CNIH3: variants seen among roughly 807,000 people sequenced by gnomAD.
CNIH3 encodes protein cornichon homolog 3.
A neutral mutation model predicts 24.1 loss-of-function variants in CNIH3; 14 were observed. The ratio of observed to expected loss-of-function variants is 0.58; its 90% CI spans 0.38 to 0.91. CNIH3 has a LOEUF of 0.91. Ranked by LOEUF, CNIH3 falls within the 40% of genes least tolerant of loss-of-function variation. The pLI is 0.00. For missense variants in CNIH3, 178 were observed against 196.8 expected (o/e 0.90, Z 0.57); for synonymous variants, 68 against 73.8 (o/e 0.92, Z 0.40).
chr1:224,616,775 C>G lies in CNIH3; in HGVS notation c.-400C>G, dbSNP rs1227819090. 9.7e-7 allele frequency: 1 copy of G among 1,032,252 alleles called. No individual in the cohort carries two copies. The highest frequency in any genetic ancestry group is 1.7e-5 in the African/African-American group (1 of 58,630). 63.9% of individuals were successfully genotyped at this position (1,032,252 alleles called of 1,614,324 possible). On this transcript the variant is annotated 5_prime_UTR_variant, in exon 1 of 6. Transcript: ENST00000272133. ...CGGTTTAGTGGAGAAAAGCAGAGAG[C>G]TCTTCCTGGGGCGAATGGGACCTCC...
In CNIH3 at chr1:224,730,601, C is replaced by T. The variant is rs57719973; in HGVS notation, c.311+27C>T. 4,164 of 1,422,698 alleles carry T rather than the reference C, an allele frequency of 2.9e-3. 108 individuals are homozygous for T. In the African/African-American group the frequency reaches 0.051, roughly 18 times the overall value. 88.1% of individuals were successfully genotyped at this position (1,422,698 alleles called of 1,614,324 possible). On this transcript the variant is annotated intron_variant, in intron 4 of 5. Transcript: ENST00000272133. ...TAAGTCAGACTGGGACTGGTATATCCTTCGTCTTTTCTGCCAGGGCAGCCT... is the reference window on the plus strand; with the variant it reads ...TAAGTCAGACTGGGACTGGTATATCTTTCGTCTTTTCTGCCAGGGCAGCCT...
intron 5 of CNIH3, among the ~76,000 whole-genome samples, chr1:224,585,879 C>T (rs2125020706): frequency 6.6e-6 from 1 of 152,276 alleles, no homozygotes; most frequent in African/African-American, 2.4e-5. Flanking sequence ...CGTGGTTTAG[C>T]TTTAAACTCC....
chr1:224,565,325 C>G (rs913516059), intron 3 of CNIH3: 1 of 152,240 alleles, frequency 6.6e-6, no homozygotes, highest in Non-Finnish European at 1.5e-5. Flanking sequence ...TGTCTGCAAC[C>G]AAGAGTGTGA....
intron 1 of CNIH3, among the ~76,000 whole-genome samples, chr1:224,639,514 G>A (rs1259852930): frequency 2.0e-5 from 3 of 152,228 alleles, no homozygotes; most frequent in Non-Finnish European, 4.4e-5. Flanking sequence ...GGTGATAATA[G>A]CTTAAAACAA....
At chr1:224,587,765 C>T (rs1447812710) in intron 5 of CNIH3, among the ~76,000 whole-genome samples, 1 of 150,582 alleles carries the variant, frequency 6.6e-6, no homozygotes, top group Non-Finnish European at 1.5e-5. Context: ...ATAGGGAGAC[C>T]CCATCTCTAC....
intron 1 of CNIH3, among the ~76,000 whole-genome samples, chr1:224,620,834 T>A (rs1683245171): frequency 6.6e-6 from 1 of 151,816 alleles, no homozygotes; most frequent in South Asian, 2.1e-4. Context: ...ACCCCATTTC[T>A]AAGAAAAAAA....
At chr1:224,669,949 C>T (rs1384114185) in intron 1 of CNIH3, among the ~76,000 whole-genome samples, 1 of 152,092 alleles carries the variant, frequency 6.6e-6, no homozygotes, top group Admixed American at 6.5e-5. Context: ...CAATGGCATT[C>T]CCCCCACCCC....
intron 3 of CNIH3, among the ~76,000 whole-genome samples, chr1:224,606,910 G>A (rs1682451626): frequency 1.3e-5 from 2 of 152,184 alleles, no homozygotes; most frequent in African/African-American, 4.8e-5. Flanking sequence ...ACCTTGTGGG[G>A]AGCCCCAGTG....
chr1:224,536,499 C>T (rs917013802), intron 2 of CNIH3, among the ~76,000 whole-genome samples: 4 of 151,912 alleles, frequency 2.6e-5, no homozygotes, highest in African/African-American at 7.3e-5. Flanking sequence ...CCATGTTGGT[C>T]GGGCTGGTCT....
chr1:224,550,798 AC>A (rs1299489945), intron 3 of CNIH3, among the ~76,000 whole-genome samples: 2 of 151,826 alleles, frequency 1.3e-5, no homozygotes, highest in Non-Finnish European at 2.9e-5. Context: ...GGTGTGCTGC[AC>A]CCATTAACTC....
At chr1:224,583,733 A>G (rs1198557521) in intron 5 of CNIH3, among the ~76,000 whole-genome samples, 6 of 152,178 alleles carry the variant, frequency 3.9e-5, no homozygotes, top group Non-Finnish European at 8.8e-5. Flanking sequence ...CTGTATGTGG[A>G]AGAGTTCTTC....
chr1:224,675,396 G>T (rs2125135963), intron 1 of CNIH3, among the ~76,000 whole-genome samples: 1 of 152,236 alleles, frequency 6.6e-6, no homozygotes, highest in East Asian at 1.9e-4. Context: ...TGTGATCTTA[G>T]AAGTTCTTAG....
chr1:224,495,549 A>G (rs1677403893), intron 1 of CNIH3, among the ~76,000 whole-genome samples: 1 of 152,236 alleles, frequency 6.6e-6, no homozygotes, highest in African/African-American at 2.4e-5. Flanking sequence ...CTGGGCATCA[A>G]TATGAATGAA....
intron 1 of CNIH3, among the ~76,000 whole-genome samples, chr1:224,642,410 G>T (rs968663146): frequency 6.6e-6 from 1 of 152,048 alleles, no homozygotes; most frequent in Admixed American, 6.6e-5. Context: ...TTTATTTTTC[G>T]TAAAGACAGG....
chr1:224,588,966 C>G (rs200518248), downstream of CNIH3, among the ~76,000 whole-genome samples: 1,118 of 76,970 alleles, frequency 0.015, 24 homozygotes, highest in African/African-American at 0.062. Flanking sequence ...TCCTGACCCC[C>G]TGTTTTTTTT....
intron 1 of CNIH3, among the ~76,000 whole-genome samples, chr1:224,450,857 G>A (rs1675367261): frequency 6.6e-6 from 1 of 152,140 alleles, no homozygotes; most frequent in African/African-American, 2.4e-5. Context: ...AGTTCATGTG[G>A]GTTTCCATTA....
intron 1 of CNIH3, among the ~76,000 whole-genome samples, chr1:224,453,736 T>A (rs1675527686): frequency 6.6e-6 from 1 of 152,002 alleles, no homozygotes; most frequent in Admixed American, 6.6e-5. Flanking sequence ...AGCCTCAAAA[T>A]TGTGGGATCA....
At chr1:224,661,091 A>G (rs926815795) in intron 1 of CNIH3, 1 of 164,248 alleles carries the variant, frequency 6.1e-6, no homozygotes, top group African/African-American at 2.4e-5. Context: ...AGTTCACTGG[A>G]TATCTTCAAA....
intron 1 of CNIH3, among the ~76,000 whole-genome samples, chr1:224,678,583 A>G (rs1413526835): frequency 6.6e-6 from 1 of 152,032 alleles, no homozygotes; most frequent in African/African-American, 2.4e-5. Flanking sequence ...AAGAGGAAAG[A>G]TTTGCTGGGG....
Sources: gnomAD v4.1 joint callset for allele counts (sites outside exome capture counted in the v4.1 genomes callset) on GRCh38, gnomAD v4.1.1 for gene constraint, MANE v1.5 for transcripts, NCBI Gene and HGNC (gene_info 2026-07-23, HGNC 2026-07-21) for gene names.